The following LEF1 variants were observed in gnomAD, a reference collection of about 807,000 sequenced individuals.
LEF1 encodes lymphoid enhancer binding factor 1.
In LEF1, 14 loss-of-function variants were observed where a neutral mutation model predicts 51.2. The observed-to-expected ratio is 0.27, with a 90% CI of 0.18 to 0.43. The LOEUF (loss-of-function observed/expected upper bound fraction) is 0.43. Ranked by LOEUF, LEF1 falls within the 20% of genes least tolerant of loss-of-function variation. LEF1 has a pLI of 1.00. For synonymous variants in LEF1, 185 were observed against 183.2 expected (o/e 1.01, Z -0.08); for missense variants, 386 against 512.0 (o/e 0.75, Z 2.37).
intron 3 of LEF1, among the ~76,000 whole-genome samples, chr4:108,152,371 C>T (rs1744410302): frequency 6.6e-6 from 1 of 152,118 alleles, no homozygotes; most frequent in South Asian, 2.1e-4. Context: ...GGAGATGGTT[C>T]CAGGGTGTGG....
chr4:108,090,284 C>G (rs1739932299), intron 3 of LEF1, among the ~76,000 whole-genome samples: 1 of 151,872 alleles, frequency 6.6e-6, no homozygotes, highest in Non-Finnish European at 1.5e-5. Flanking sequence ...AGCTGAAATA[C>G]TGCTTTAATA....
chr4:108,100,031 G>C (rs937466744), intron 3 of LEF1, among the ~76,000 whole-genome samples: 2 of 151,960 alleles, frequency 1.3e-5, no homozygotes, highest in Admixed American at 1.3e-4. Context: ...ACATTATCTA[G>C]GAAGAAAAAG....
intron 3 of LEF1, among the ~76,000 whole-genome samples, chr4:108,153,379 T>C (rs1407870324): frequency 6.6e-6 from 1 of 152,232 alleles, no homozygotes; most frequent in Non-Finnish European, 1.5e-5. Context: ...TTCTCCAATG[T>C]AGCCTTATTG....
At chr4:108,122,656 T>A (rs145071499) in intron 3 of LEF1, among the ~76,000 whole-genome samples, 84 of 152,208 alleles carry the variant, frequency 5.5e-4, no homozygotes, top group African/African-American at 1.8e-3. Context: ...TTATTTTTAT[T>A]TTTATTTTTT....
intron 3 of LEF1, among the ~76,000 whole-genome samples, chr4:108,138,079 T>A (rs1001624112): frequency 1.1e-4 from 16 of 152,158 alleles, no homozygotes; most frequent in Admixed American, 9.2e-4. Context: ...AAATCTCCTA[T>A]TTTTGCTTCT....
intron 3 of LEF1, among the ~76,000 whole-genome samples, chr4:108,141,954 T>G (rs982143145): frequency 6.6e-6 from 1 of 152,228 alleles, no homozygotes; most frequent in Non-Finnish European, 1.5e-5. Flanking sequence ...GAAAAAAAAT[T>G]ATGTAAGTTT....
chr4:108,133,512 TG>T (rs1252135078), intron 3 of LEF1, among the ~76,000 whole-genome samples: 1 of 152,186 alleles, frequency 6.6e-6, no homozygotes, highest in African/African-American at 2.4e-5. Context: ...GAGAAACCTC[TG>T]TTGGAGCTCA....
At chr4:108,051,380 C>T (rs937988111) in intron 11 of LEF1, among the ~76,000 whole-genome samples, 9 of 152,112 alleles carry the variant, frequency 5.9e-5, no homozygotes, top group Non-Finnish European at 4.4e-5. Context: ...GTGGGAGAAA[C>T]GGGGGCCTTG....
At chr4:108,133,726 A>C (rs114036748) in intron 3 of LEF1, among the ~76,000 whole-genome samples, 1,993 of 152,330 alleles carry the variant, frequency 0.013, 51 homozygotes, top group African/African-American at 0.044. Flanking sequence ...TTAGAGGTCC[A>C]GTTTCCTACT....
intron 3 of LEF1, among the ~76,000 whole-genome samples, chr4:108,111,325 C>T (rs1438878674): frequency 1.3e-5 from 2 of 152,126 alleles, no homozygotes; most frequent in African/African-American, 4.8e-5. Context: ...AGCACATTGG[C>T]CTGTAGCTAA....
intron 7 of LEF1, 33 bp downstream of exon 7, chr4:108,079,459 G>A (rs1212330383): frequency 1.2e-6 from 2 of 1,612,158 alleles, no homozygotes; most frequent in South Asian, 1.1e-5. Flanking sequence ...AGTATCCTAA[G>A]GCAATCACAG....
chr4:108,163,472 A>T, intron 3 of LEF1, 96 bp downstream of exon 3: 2 of 1,321,894 alleles, frequency 1.5e-6, no homozygotes, highest in Non-Finnish European at 2.1e-6. Context: ...ATATAATGAA[A>T]GCATTACCAA....
intron 3 of LEF1, chr4:108,104,639 G>A (rs576787755): frequency 2.4e-5 from 23 of 975,210 alleles, no homozygotes; most frequent in Admixed American, 1.8e-4. Context: ...TATATGTTTA[G>A]GCAGACAGGT....
chr4:108,072,901 TTTG>T (rs58629050), intron 8 of LEF1: 29 of 151,936 alleles, frequency 1.9e-4, no homozygotes, highest in Admixed American at 3.3e-4. Flanking sequence ...ATCATCGTTT[TTTG>T]TTGTTGTTGT....
chr4:108,104,029 A>G (rs1194447884), intron 3 of LEF1, among the ~76,000 whole-genome samples: 5 of 152,228 alleles, frequency 3.3e-5, no homozygotes, highest in African/African-American at 1.2e-4. Flanking sequence ...TGAATGGATA[A>G]ACAAATTGTG....
intron 11 of LEF1, among the ~76,000 whole-genome samples, chr4:108,063,256 AC>A: frequency 6.6e-6 from 1 of 152,176 alleles, no homozygotes; most frequent in East Asian, 1.9e-4. Flanking sequence ...CCTCAAACCC[AC>A]CCTGGATTTG....
chr4:108,088,154 C>A (rs1739770723), intron 4 of LEF1, among the ~76,000 whole-genome samples: 1 of 152,116 alleles, frequency 6.6e-6, no homozygotes, highest in Non-Finnish European at 1.5e-5. Context: ...AAGTATTTAA[C>A]CTAGAAGTGT....
intron 11 of LEF1, among the ~76,000 whole-genome samples, chr4:108,061,274 A>G (rs1298174453): frequency 1.3e-5 from 2 of 152,172 alleles, no homozygotes; most frequent in African/African-American, 4.8e-5. Context: ...GATAGAGAGA[A>G]CATCTTAACC....
chr4:108,065,498 A>G (rs1738009330), intron 9 of LEF1, among the ~76,000 whole-genome samples: 2 of 152,192 alleles, frequency 1.3e-5, no homozygotes, highest in African/African-American at 4.8e-5. Flanking sequence ...TCAAAAAATA[A>G]TAACAATCTT....
Sources: gnomAD v4.1 joint callset for allele counts (sites outside exome capture counted in the v4.1 genomes callset) on GRCh38, gnomAD v4.1.1 for gene constraint, MANE v1.5 for transcripts, NCBI Gene and HGNC (gene_info 2026-07-23, HGNC 2026-07-21) for gene names.